Variants in CSTPP1 observed in about 807,000 individuals in gnomAD.
CSTPP1 encodes the protein centriolar satellite-associated tubulin polyglutamylase complex regulator 1.
At chr11:46,975,943 T>C in the CSTPP1 span, among the ~76,000 whole-genome samples, 3 of 152,276 alleles carry the variant, frequency 2.0e-5, no homozygotes, top group Admixed American at 6.5e-5. Context: ...TAAGTCCTGG[T>C]GAAGAGGAAT....
chr11:47,041,333 A>T, the CSTPP1 span: 1 of 249,286 alleles, frequency 4.0e-6, no homozygotes, highest in South Asian at 3.5e-5. Flanking sequence ...ATATTCGCAG[A>T]TGATACAGGT....
the CSTPP1 span, among the ~76,000 whole-genome samples, chr11:46,991,203 T>G: frequency 1.3e-5 from 2 of 151,896 alleles, no homozygotes; most frequent in Middle Eastern, 3.4e-3. Flanking sequence ...ATAGTTTTTT[T>G]TTTTTTTTTT....
At chr11:46,949,288 G>A in the CSTPP1 span, among the ~76,000 whole-genome samples, 1 of 152,124 alleles carries the variant, frequency 6.6e-6, no homozygotes, top group Non-Finnish European at 1.5e-5. Flanking sequence ...TTTCTTGATA[G>A]TCTATGAACT....
the CSTPP1 span, among the ~76,000 whole-genome samples, chr11:47,120,900 AAG>A: frequency 6.6e-6 from 1 of 152,238 alleles, no homozygotes; most frequent in Non-Finnish European, 1.5e-5. This position sits in a 1 kb window ranked among gnomAD's most constrained non-coding sequence, Gnocchi z 4.2. Context: ...AAAGACGCAG[AAG>A]AGTTTTACAG....
chr11:46,981,260 TA>T, the CSTPP1 span, among the ~76,000 whole-genome samples: 262 of 141,514 alleles, frequency 1.9e-3, no homozygotes, highest in Non-Finnish European at 1.8e-3. Flanking sequence ...CATTGTTGAT[TA>T]AAAAAAAAAA....
the CSTPP1 span, among the ~76,000 whole-genome samples, chr11:47,033,480 A>C: frequency 6.6e-6 from 1 of 151,890 alleles, no homozygotes; most frequent in South Asian, 2.1e-4. Flanking sequence ...ACCTTCATCA[A>C]GTTGTCTTCT....
At chr11:47,133,770 G>T in the CSTPP1 span, among the ~76,000 whole-genome samples, 9 of 152,338 alleles carry the variant, frequency 5.9e-5, no homozygotes, top group Middle Eastern at 3.4e-3. Context: ...GACAGTGTTA[G>T]CTGGGTAGGC....
chr11:47,038,306 G>A, the CSTPP1 span, among the ~76,000 whole-genome samples: 1 of 104,032 alleles, frequency 9.6e-6, no homozygotes, highest in Non-Finnish European at 2.3e-5. Context: ...CCTCCCGGAC[G>A]GGGCGGCTGG....
chr11:47,038,097 G>A, the CSTPP1 span, among the ~76,000 whole-genome samples: 10 of 74,980 alleles, frequency 1.3e-4, no homozygotes, highest in Admixed American at 2.8e-4. Context: ...CTGGCCGGGC[G>A]GGGGGCTGAC....
the CSTPP1 span, among the ~76,000 whole-genome samples, chr11:47,080,627 C>A: frequency 6.6e-6 from 1 of 151,726 alleles, no homozygotes; most frequent in Non-Finnish European, 1.5e-5. Context: ...GCTGGAAAGC[C>A]CAAGGTAATC....
At chr11:46,990,385 C>A in the CSTPP1 span, among the ~76,000 whole-genome samples, 1 of 152,190 alleles carries the variant, frequency 6.6e-6, no homozygotes, top group African/African-American at 2.4e-5. Flanking sequence ...TTGCATTTCT[C>A]TGATGATGAG....
At chr11:47,028,533 C>G in the CSTPP1 span, among the ~76,000 whole-genome samples, 2 of 152,132 alleles carry the variant, frequency 1.3e-5, no homozygotes, top group African/African-American at 4.8e-5. Context: ...CTTAGAAATA[C>G]TGCATTCAAC....
chr11:47,106,956 G>T, the CSTPP1 span, among the ~76,000 whole-genome samples: 12 of 152,236 alleles, frequency 7.9e-5, no homozygotes, highest in East Asian at 2.3e-3. Context: ...GCCTTCTTAT[G>T]GCCAAACAAG....
At chr11:47,155,178 T>C in the CSTPP1 span, 7 of 1,611,206 alleles carry the variant, frequency 4.3e-6, no homozygotes, top group East Asian at 4.5e-5. Context: ...CCCTTCAGGA[T>C]TGTGCTCATG....
At chr11:47,014,338 C>G in the CSTPP1 span, among the ~76,000 whole-genome samples, 3 of 116,582 alleles carry the variant, frequency 2.6e-5, no homozygotes, top group East Asian at 5.1e-4. Context: ...GAGAAAGAAA[C>G]AGAAAAGAAA....
the CSTPP1 span, among the ~76,000 whole-genome samples, chr11:46,999,667 A>G: frequency 1.3e-5 from 2 of 152,212 alleles, no homozygotes; most frequent in African/African-American, 4.8e-5. Flanking sequence ...ACTAGAGCTG[A>G]CTATAAAGAG....
the CSTPP1 span, among the ~76,000 whole-genome samples, chr11:46,998,364 GA>G: frequency 2.0e-5 from 3 of 151,834 alleles, no homozygotes; most frequent in African/African-American, 7.3e-5. Flanking sequence ...ACACACTGTT[GA>G]AAAAAAATCG....
At chr11:47,001,841 T>C in the CSTPP1 span, among the ~76,000 whole-genome samples, 6 of 152,170 alleles carry the variant, frequency 3.9e-5, no homozygotes, top group Non-Finnish European at 7.4e-5. Context: ...CTTGTGTCCA[T>C]GGTAACAGAG....
At chr11:47,128,013 A>C in the CSTPP1 span, among the ~76,000 whole-genome samples, 1 of 152,024 alleles carries the variant, frequency 6.6e-6, no homozygotes, top group Non-Finnish European at 1.5e-5. Context: ...AGTAGCTGGG[A>C]TTACAGGCAT....
Sources: allele counts gnomAD v4.1 joint callset (sites outside exome capture counted in the v4.1 genomes callset), GRCh38; gene constraint gnomAD v4.1.1; non-coding constraint Gnocchi (gnomAD v3.1); transcripts MANE v1.5; gene names NCBI Gene and HGNC (gene_info 2026-07-23, HGNC 2026-07-21).